Variants in GPLD1 observed in about 807,000 individuals in gnomAD.
GPLD1 encodes phosphatidylinositol-glycan-specific phospholipase D.
In GPLD1, 84 loss-of-function variants were observed where a neutral mutation model predicts 112.6. The ratio of observed to expected loss-of-function variants is 0.75; its 90% CI spans 0.63 to 0.89. The LOEUF (loss-of-function observed/expected upper bound fraction) is 0.89, where lower values mean the gene tolerates loss of function less well. GPLD1 is among the 40% of genes least tolerant of loss of function. The pLI, the probability that GPLD1 is intolerant of heterozygous loss-of-function variation, is 0.00. For missense variants in GPLD1, 1,044 were observed against 1,051.5 expected, an observed-to-expected ratio of 0.99 and a Z score of 0.10; for synonymous variants, 386 against 403.8, an observed-to-expected ratio of 0.96 and a Z score of 0.53.
rs766133257 is a variant in GPLD1, at chr6:24,436,664, C to T, written c.2270G>A (p.Arg757Gln). The change falls in exon 22 of 25, where the codon CGA becomes CAA. Residue 757 changes from arginine to glutamine, a missense_variant. Coordinates refer to ENST00000230036, the MANE Select transcript of GPLD1 (RefSeq NM_001503.4). Reference sequence around the variant, plus strand: ...CTCTTTGCCATTATATACATATACTCGGCCGTCTTCTCCCCCAATCAGTCC... The same window carrying T: ...CTCTTTGCCATTATATACATATACTTGGCCGTCTTCTCCCCCAATCAGTCC... Reference protein sequence around the residue: ...TSGLIGGEDGRVYVYNGKETT... With the variant: ...TSGLIGGEDGQVYVYNGKETT... 12 of 1,613,838 alleles carry T rather than the reference C, an allele frequency of 7.4e-6. No homozygotes were observed. The highest frequency in any genetic ancestry group is 5.5e-5 in the South Asian group (5 of 91,080).
At chr6:24,431,787 G>A (rs186874566) in intron 24 of GPLD1, among the ~76,000 whole-genome samples, 16 of 151,744 alleles carry the variant, frequency 1.1e-4, no homozygotes, top group Middle Eastern at 3.4e-3. Context: ...CACCAACCTC[G>A]GCTTCTCAAA....
At chr6:24,447,272 G>C (rs977476108) in intron 17 of GPLD1, among the ~76,000 whole-genome samples, 1 of 152,134 alleles carries the variant, frequency 6.6e-6, no homozygotes. Flanking sequence ...TTGGGACGCC[G>C]AGGTGGGTGG....
intron 14 of GPLD1, among the ~76,000 whole-genome samples, chr6:24,450,657 A>G (rs1217950382): frequency 1.3e-5 from 2 of 152,198 alleles, no homozygotes; most frequent in Admixed American, 1.3e-4. Context: ...TTAAATTTAA[A>G]GTAATTAACA....
chr6:24,431,106 C>T (rs1475646073), intron 24 of GPLD1, among the ~76,000 whole-genome samples: 1 of 152,150 alleles, frequency 6.6e-6, no homozygotes, highest in Non-Finnish European at 1.5e-5. Flanking sequence ...AGAATCTTCC[C>T]ATAAAGTTAA....
chr6:24,461,985 T>C (rs1763453139), intron 11 of GPLD1, among the ~76,000 whole-genome samples: 1 of 152,212 alleles, frequency 6.6e-6, no homozygotes, highest in Non-Finnish European at 1.5e-5. Context: ...GAAAATATCA[T>C]TTCTTAAAAT....
intron 14 of GPLD1, among the ~76,000 whole-genome samples, chr6:24,450,131 A>C (rs937668609): frequency 6.6e-6 from 1 of 152,252 alleles, no homozygotes; most frequent in African/African-American, 2.4e-5. Context: ...CAGAAAGTAG[A>C]GGGTTGGTTC....
At position 24,428,942 on chromosome 6, in the gene GPLD1, T is replaced by C. The variant is rs1405313735; in HGVS notation, c.*90A>G. ...CTATCAGGATCTACCACCGCTCCACTGGATGTGCCACTTTGTCCATCAAAA... is the reference window on the plus strand; with the variant it reads ...CTATCAGGATCTACCACCGCTCCACCGGATGTGCCACTTTGTCCATCAAAA... On this transcript the variant is annotated 3_prime_UTR_variant, in exon 25 of 25. Transcript: ENST00000230036. The C allele has an allele frequency of 1.1e-5, 9 of 829,906 alleles. No homozygotes were observed. Among genetic ancestry groups the C allele is most frequent in the African/African-American group, 8.4e-5 (5 of 59,206 alleles). 51.4% of individuals were successfully genotyped at this position (829,906 alleles called of 1,614,324 possible). A position where few individuals can be genotyped will look rare whatever the true frequency, so the allele number is the denominator to read the frequency against.
chr6:24,440,593 A>AAAAAAGAAGCACAATCCAGGTGTTGTGGC (rs1762714099), intron 20 of GPLD1, among the ~76,000 whole-genome samples: 1 of 150,612 alleles, frequency 6.6e-6, no homozygotes, highest in Non-Finnish European at 1.5e-5. Flanking sequence ...AAAAAAAAAA[A>AAAAAAGAAGCACAATCCAGGTGTTGTGGC]AAAAGAAGCA....
intron 7 of GPLD1, among the ~76,000 whole-genome samples, chr6:24,468,875 G>A (rs1470475467): frequency 2.0e-5 from 3 of 152,176 alleles, no homozygotes; most frequent in Non-Finnish European, 4.4e-5. Flanking sequence ...ACAGCCTTGG[G>A]CACATGTTGT....
intron 6 of GPLD1, 72 bp from the exon 7 acceptor site, chr6:24,472,708 G>A (rs1273259473): frequency 2.4e-6 from 2 of 822,352 alleles, no homozygotes; most frequent in Non-Finnish European, 2.1e-6. Context: ...TCAACATGAG[G>A]TCTGACAAGT....
At chr6:24,431,262 G>GAACCTGGTCCACAGC (rs1348113757) in intron 24 of GPLD1, among the ~76,000 whole-genome samples, 4 of 152,108 alleles carry the variant, frequency 2.6e-5, no homozygotes, top group African/African-American at 4.8e-5. Flanking sequence ...TGGTCCACAG[G>GAACCTGGTCCACAGC]AACCTGGTCC....
chr6:24,494,379 G>A (rs983300443), upstream of GPLD1, among the ~76,000 whole-genome samples: 2 of 152,088 alleles, frequency 1.3e-5, no homozygotes, highest in East Asian at 1.9e-4. Flanking sequence ...TTATTTATCG[G>A]GAGCAACCCT....
chr6:24,459,271 T>C (rs1331275129), intron 12 of GPLD1, among the ~76,000 whole-genome samples: 1 of 152,122 alleles, frequency 6.6e-6, no homozygotes, highest in African/African-American at 2.4e-5. Flanking sequence ...TTTTGTTTTT[T>C]GAGACAGGGT....
At position 24,466,707 on chromosome 6, in the gene GPLD1, G is replaced by A; in HGVS notation, c.794C>T (p.Thr265Ile). The A allele has an allele frequency of 6.2e-7, 1 of 1,612,548 alleles. No individual in the cohort carries two copies. The highest frequency in any genetic ancestry group is 8.5e-7 in the Non-Finnish European group (1 of 1,178,558). Reference protein sequence around the residue: ...AFWSTNIYHLTSFMLENGTSD... With the variant: ...AFWSTNIYHLISFMLENGTSD... ...GGTCCCATTCTCCAACATGAAGCTT[G>A]TTAGATGGTAAATATTAGTGGACCA... The change falls in exon 10 of 25, where the codon ACA becomes ATA. Residue 265 changes from threonine to isoleucine, a missense_variant. By Grantham distance (89) the Thr-to-Ile change is moderately conservative. Transcript: ENST00000230036.
chr6:24,450,873 G>A (rs1285152550), intron 14 of GPLD1, among the ~76,000 whole-genome samples: 1 of 152,066 alleles, frequency 6.6e-6, no homozygotes, highest in Non-Finnish European at 1.5e-5. Flanking sequence ...TCAGGAGGCT[G>A]AGGCAGGAGA....
At position 24,428,134 on chromosome 6, in the gene GPLD1, G is replaced by C. The variant is rs955439645; in HGVS notation, c.*898C>G. On this transcript the variant is annotated 3_prime_UTR_variant, in exon 25 of 25. Coordinates refer to ENST00000230036, the MANE Select transcript of GPLD1 (RefSeq NM_001503.4). ...ATCCCTCACCCCCATGCTTTACTCT[G>C]TACTATTTTTCCTCCCTCAGTTTCT... is the stretch of plus-strand genomic sequence containing the variant. The C allele has an allele frequency of 6.2e-5, 9 of 146,122 alleles. No homozygotes were observed. The highest frequency in any genetic ancestry group is 1.3e-4 in the Non-Finnish European group (9 of 67,104). The allele number at this position is 146,122 out of a possible 1,614,324, so 9.1% of individuals were successfully genotyped here.
At chr6:24,465,234 GA>G (rs1252176495) in intron 10 of GPLD1, among the ~76,000 whole-genome samples, 4 of 134,926 alleles carry the variant, frequency 3.0e-5, no homozygotes, top group Non-Finnish European at 6.4e-5. Flanking sequence ...GAAAAGAAAA[GA>G]AAAAAAAAGA....
intron 13 of GPLD1, 122 bp downstream of exon 13, chr6:24,456,376 G>A (rs1763269475): frequency 8.9e-6 from 6 of 672,932 alleles, no homozygotes; most frequent in East Asian, 5.8e-5. Context: ...CAGCCTGGGT[G>A]ACAAGTGAGA....
At chr6:24,480,775 G>A (rs1764174667) in intron 2 of GPLD1, among the ~76,000 whole-genome samples, 1 of 152,176 alleles carries the variant, frequency 6.6e-6, no homozygotes. Flanking sequence ...CTTATGGGAT[G>A]TCTAGCTGCA....
Sources: gnomAD v4.1 joint callset for allele counts (sites outside exome capture counted in the v4.1 genomes callset) on GRCh38, gnomAD v4.1.1 for gene constraint, MANE v1.5 for transcripts, NCBI Gene and HGNC (gene_info 2026-07-23, HGNC 2026-07-21) for gene names.